XRRA1: variants seen among roughly 807,000 people sequenced by gnomAD.
The protein encoded by XRRA1 is X-ray radiation resistance-associated protein 1.
In XRRA1, 69 loss-of-function variants were observed where a neutral mutation model predicts 80.2. The observed-to-expected ratio is 0.86, with a 90% CI of 0.71 to 1.05. The LOEUF is 1.05. XRRA1 is among the 50% of genes least tolerant of loss of function. XRRA1 has a pLI of 0.00. For synonymous variants in XRRA1, 348 were observed against 389.9 expected (o/e 0.89, Z 1.27); for missense variants, 967 against 976.4 (o/e 0.99, Z 0.13).
At chr11:74,919,741 T>G (rs1474646200) in intron 8 of XRRA1, 3 of 457,460 alleles carry the variant, frequency 6.6e-6, no homozygotes, top group African/African-American at 2.1e-5. Context: ...ATTCGGAAAT[T>G]TGTCAGGAAG....
chr11:74,908,475 G>A (rs565892593), intron 8 of XRRA1, among the ~76,000 whole-genome samples: 38 of 152,364 alleles, frequency 2.5e-4, no homozygotes, highest in Non-Finnish European at 5.0e-4. Context: ...AAGGTTGGCA[G>A]TGAGTTCAAA....
In XRRA1 at chr11:74,874,522, G is replaced by A. The variant is rs928875957; in HGVS notation, c.1004-11501C>T. 2.0e-5 allele frequency among the ~76,000 whole-genome samples: 3 copies of A among 152,180 alleles called. No homozygotes were observed. The East Asian group carries it at 5.8e-4, about 29-fold the overall frequency. ...GCTAAAGAATGGCTATCATGCCTCT[G>A]AGCCATTGCCAAAGTGGCCCTACTG... On this transcript the variant is annotated intron_variant, in intron 10 of 18. Coordinates refer to ENST00000684022, the MANE Select transcript of XRRA1 (RefSeq NM_001378157.1).
At chr11:74,899,427 A>C (rs2137791117) in intron 10 of XRRA1, among the ~76,000 whole-genome samples, 1 of 152,318 alleles carries the variant, frequency 6.6e-6, no homozygotes, top group East Asian at 1.9e-4. Context: ...CAAATAAATG[A>C]ATTTGAAATG....
chr11:74,907,830 G>A (rs369675595), intron 8 of XRRA1, among the ~76,000 whole-genome samples: 9 of 152,134 alleles, frequency 5.9e-5, no homozygotes, highest in East Asian at 5.8e-4. Flanking sequence ...GTAAGGAGTG[G>A]AGAAGTTTCT....
chr11:74,846,806 C>G (rs2038318527), intron 15 of XRRA1, among the ~76,000 whole-genome samples: 1 of 152,104 alleles, frequency 6.6e-6, no homozygotes, highest in Admixed American at 6.5e-5. Flanking sequence ...TGGTGAAAGA[C>G]TGAATGCTTT....
intron 15 of XRRA1, chr11:74,846,339 C>T (rs944725397): frequency 2.0e-5 from 3 of 152,026 alleles, no homozygotes; most frequent in Admixed American, 2.0e-4. Context: ...AGCCAAGGAC[C>T]AGATGGTTTC....
intron 10 of XRRA1, among the ~76,000 whole-genome samples, chr11:74,900,537 G>C (rs1037383111): frequency 6.6e-6 from 1 of 151,878 alleles, no homozygotes; most frequent in Non-Finnish European, 1.5e-5. Context: ...AGCCAAGATC[G>C]TGCCATTGCA....
At chr11:74,885,761 A>G (rs916461981) in intron 10 of XRRA1, among the ~76,000 whole-genome samples, 3 of 152,206 alleles carry the variant, frequency 2.0e-5, no homozygotes, top group African/African-American at 7.2e-5. Flanking sequence ...CACAACAACA[A>G]CAACAAAATT....
chr11:74,845,497 C>G (rs1018626105), intron 15 of XRRA1, among the ~76,000 whole-genome samples: 4 of 152,214 alleles, frequency 2.6e-5, no homozygotes, highest in Admixed American at 2.0e-4. Context: ...CCCAACCTAG[C>G]CAAGAAGCTC....
At chr11:74,896,304 G>A (rs1395742213) in intron 10 of XRRA1, among the ~76,000 whole-genome samples, 1 of 152,208 alleles carries the variant, frequency 6.6e-6, no homozygotes, top group East Asian at 1.9e-4. Context: ...CTGCTCTGAA[G>A]GGTGAGTCCC....
intron 11 of XRRA1, among the ~76,000 whole-genome samples, chr11:74,859,832 C>T (rs965982076): frequency 2.6e-5 from 4 of 151,992 alleles, no homozygotes; most frequent in Admixed American, 6.5e-5. Flanking sequence ...TCAACCTGCC[C>T]GTGGGAGCTG....
chr11:74,905,305 A>G (rs1469996192), intron 10 of XRRA1, among the ~76,000 whole-genome samples: 1 of 152,196 alleles, frequency 6.6e-6, no homozygotes, highest in Non-Finnish European at 1.5e-5. Flanking sequence ...CCTGGCCTCA[A>G]ACAATTCTCC....
At chr11:74,932,902 C>G (rs1464316656) in intron 5 of XRRA1, among the ~76,000 whole-genome samples, 1 of 152,158 alleles carries the variant, frequency 6.6e-6, no homozygotes, top group Non-Finnish European at 1.5e-5. Flanking sequence ...TGGGTTAGAG[C>G]CTCTACTCTA....
rs2040047071 is a variant in XRRA1, at chr11:74,852,229, G to T, written c.1171-147C>A. On this transcript the variant is annotated intron_variant, in intron 12 of 18. Coordinates refer to ENST00000684022, the MANE Select transcript of XRRA1 (RefSeq NM_001378157.1). ...CATGCTGCTGTGGATGGGACTCACT[G>T]CTGGGTGATGCCTTGACCCTGTAAT... The T allele has an allele frequency of 1.5e-5, 10 of 650,524 alleles. No individual in the cohort carries two copies. In the South Asian group the frequency reaches 1.8e-4, roughly 12 times the overall value. 40.3% of individuals were successfully genotyped at this position (650,524 alleles called of 1,614,324 possible).
Position 74,936,932 on chromosome 11 carries a change from C to G in XRRA1, c.231G>C (p.Arg77=), listed in dbSNP as rs1945140476. Residue 77 remains arginine, a synonymous_variant, in exon 4 of 19, where the codon CGG becomes CGC. Coordinates refer to ENST00000684022, the MANE Select transcript of XRRA1 (RefSeq NM_001378157.1). Reference sequence around the variant, plus strand: ...GTCCAGGAAGGTCCACCTGATTTTCCCGCCGAGACTCTTTCTTCCCCTTGA... The same window carrying G: ...GTCCAGGAAGGTCCACCTGATTTTCGCGCCGAGACTCTTTCTTCCCCTTGA... The part of the protein sequence containing the change: ...FEFKGKKESR[R]ENQVDLPGHI... 6.2e-7 allele frequency: 1 copy of G among 1,613,816 alleles called. No homozygotes were observed. Among genetic ancestry groups the G allele is most frequent in the Admixed American group, 1.7e-5 (1 of 59,978 alleles).
chr11:74,879,821 G>A (rs959122014), intron 10 of XRRA1, among the ~76,000 whole-genome samples: 3 of 150,504 alleles, frequency 2.0e-5, no homozygotes, highest in African/African-American at 7.4e-5. Flanking sequence ...AAGCCCACTT[G>A]ATCATGGTGG....
chr11:74,938,859 GA>G (rs546273224), intron 3 of XRRA1, among the ~76,000 whole-genome samples: 2 of 149,112 alleles, frequency 1.3e-5, no homozygotes, highest in African/African-American at 4.9e-5. Flanking sequence ...TCAATTCCTT[GA>G]AAAAAAAAAT....
At chr11:74,874,172 G>T (rs180844558) in intron 10 of XRRA1, among the ~76,000 whole-genome samples, 1,681 of 137,284 alleles carry the variant, frequency 0.012, 47 homozygotes, top group African/African-American at 0.042. Flanking sequence ...GGAGGTGGAG[G>T]TTGCAGTGAG....
intron 10 of XRRA1, among the ~76,000 whole-genome samples, chr11:74,873,334 A>G (rs1428053529): frequency 6.6e-6 from 1 of 152,218 alleles, no homozygotes; most frequent in Non-Finnish European, 1.5e-5. Flanking sequence ...CCTCCACATC[A>G]TTAATAAGGC....
Sources: allele counts gnomAD v4.1 joint callset (sites outside exome capture counted in the v4.1 genomes callset), GRCh38; gene constraint gnomAD v4.1.1; transcripts MANE v1.5; gene names NCBI Gene and HGNC (gene_info 2026-07-23, HGNC 2026-07-21).